Variants in RGPD2 observed in about 807,000 individuals in gnomAD.
The protein encoded by RGPD2 is RANBP2 like and GRIP domain containing 2, also known as RANBP2-like and GRIP domain-containing protein 2.
RGPD2 carries 2 observed loss-of-function variants against 36.0 expected under a neutral mutation model. That is an observed-to-expected ratio of 0.06 (90% CI 0.02 to 0.17). RGPD2 has a LOEUF of 0.17. RGPD2 is among the 10% of genes least tolerant of loss of function. The pLI is 1.00. For synonymous variants in RGPD2, 19 were observed against 163.8 expected (o/e 0.12, Z 6.75); for missense variants, 40 against 464.3 (o/e 0.09, Z 8.40).
chr2:87,919,426 C>T, the RGPD2 span, among the ~76,000 whole-genome samples: 1 of 151,970 alleles, frequency 6.6e-6, no homozygotes, highest in South Asian at 2.1e-4. Flanking sequence ...CTGACTGGCC[C>T]TGAAGAGGAC....
At chr2:87,935,206 G>A in the RGPD2 span, among the ~76,000 whole-genome samples, 8 of 143,996 alleles carry the variant, frequency 5.6e-5, no homozygotes, top group African/African-American at 2.1e-4. Flanking sequence ...TGGTAAGGGA[G>A]GGATTGAATA....
intron 6 of RGPD2, among the ~76,000 whole-genome samples, chr2:87,809,316 A>T (rs1444916929): frequency 6.6e-6 from 1 of 151,142 alleles, no homozygotes; most frequent in African/African-American, 2.4e-5. Flanking sequence ...AAAAAAAAAA[A>T]GATCGAGACC....
chr2:87,756,472 C>G lies in RGPD2; in HGVS notation c.*920G>C. 1 of 277,100 alleles carries G rather than the reference C, an allele frequency of 3.6e-6. No individual in the cohort carries two copies. Among genetic ancestry groups the G allele is most frequent in the Non-Finnish European group, 7.1e-6 (1 of 141,694 alleles). The allele number at this position is 277,100 out of a possible 1,614,324, so 17.2% of individuals were successfully genotyped here. On this transcript the variant is annotated 3_prime_UTR_variant, in exon 23 of 23. Coordinates refer to ENST00000398146, the MANE Select transcript of RGPD2 (RefSeq NM_001078170.3). ...TCCATGTATCATCATTAAGTGATCT[C>G]ATTTTATATTGTTTACTTGAATATT... is the stretch of plus-strand genomic sequence containing the variant.
chr2:87,964,412 C>T, the RGPD2 span, among the ~76,000 whole-genome samples: 2 of 151,880 alleles, frequency 1.3e-5, no homozygotes, highest in Non-Finnish European at 2.9e-5. Context: ...CTAGGTACAA[C>T]ATGATGTTTT....
At chr2:87,844,863 T>G in the RGPD2 span, among the ~76,000 whole-genome samples, 54 of 133,626 alleles carry the variant, frequency 4.0e-4, no homozygotes, top group African/African-American at 1.4e-3. Flanking sequence ...TAGTTTATAA[T>G]CATCCAGTTT....
the RGPD2 span, among the ~76,000 whole-genome samples, chr2:87,859,684 GAT>G: frequency 6.6e-6 from 1 of 152,170 alleles, no homozygotes; most frequent in African/African-American, 2.4e-5. Context: ...ATTTCGCTGA[GAT>G]CACCACTGAC....
At chr2:87,939,527 C>G in the RGPD2 span, among the ~76,000 whole-genome samples, 1 of 151,858 alleles carries the variant, frequency 6.6e-6, no homozygotes, top group Non-Finnish European at 1.5e-5. Context: ...ACTACTGTAG[C>G]CTTGGGATTG....
the RGPD2 span, among the ~76,000 whole-genome samples, chr2:87,884,217 T>C: frequency 6.6e-6 from 1 of 151,878 alleles, no homozygotes; most frequent in Non-Finnish European, 1.5e-5. Flanking sequence ...AAGAATAAAC[T>C]AAACAGGAAA....
the RGPD2 span, among the ~76,000 whole-genome samples, chr2:87,857,706 A>G: frequency 1.3e-5 from 2 of 151,502 alleles, no homozygotes; most frequent in South Asian, 4.2e-4. Flanking sequence ...TGGGAGGCCA[A>G]GGTGGGCTGA....
At chr2:87,964,124 C>G in the RGPD2 span, among the ~76,000 whole-genome samples, 1 of 152,134 alleles carries the variant, frequency 6.6e-6, no homozygotes, top group Non-Finnish European at 1.5e-5. Context: ...CGGCATCCAC[C>G]GCGCCCAGCA....
intron 22 of RGPD2, among the ~76,000 whole-genome samples, chr2:87,769,426 T>G (rs1278420612): frequency 2.6e-5 from 4 of 151,376 alleles, no homozygotes; most frequent in African/African-American, 9.7e-5. Flanking sequence ...TGTGTTTTCC[T>G]GTCTGTTTAC....
chr2:87,947,195 T>TC, the RGPD2 span, among the ~76,000 whole-genome samples: 1 of 151,926 alleles, frequency 6.6e-6, no homozygotes, highest in African/African-American at 2.4e-5. Flanking sequence ...AGAGGTGCAC[T>TC]CAGCTCCATA....
chr2:87,830,426 A>C (rs2104397225), upstream of RGPD2, among the ~76,000 whole-genome samples: 1 of 152,268 alleles, frequency 6.6e-6, no homozygotes, highest in East Asian at 1.9e-4. Context: ...GGTCAAAGCC[A>C]TCCAACAAGT....
At chr2:87,885,479 T>C in the RGPD2 span, among the ~76,000 whole-genome samples, 1 of 151,848 alleles carries the variant, frequency 6.6e-6, no homozygotes, top group Non-Finnish European at 1.5e-5. Flanking sequence ...CTGTTAAATA[T>C]AGTACTGGAA....
chr2:87,966,108 G>T, the RGPD2 span, among the ~76,000 whole-genome samples: 4 of 149,084 alleles, frequency 2.7e-5, no homozygotes, highest in Middle Eastern at 7.0e-3. Flanking sequence ...CTGACCTCCT[G>T]GTCAGAATAA....
chr2:87,781,569 A>G (rs1913772), intron 20 of RGPD2, among the ~76,000 whole-genome samples: 1 of 148,828 alleles, frequency 6.7e-6, no homozygotes, highest in Non-Finnish European at 1.5e-5. Flanking sequence ...CAAGCGATCC[A>G]CCTGCCTCAA....
intron 22 of RGPD2, among the ~76,000 whole-genome samples, chr2:87,760,791 G>A (rs896548474): frequency 1.1e-5 from 1 of 91,234 alleles, no homozygotes; most frequent in African/African-American, 4.1e-5. Flanking sequence ...CTAATTTTTT[G>A]TATTTTTAGT....
At chr2:87,879,317 G>C in the RGPD2 span, among the ~76,000 whole-genome samples, 1 of 151,616 alleles carries the variant, frequency 6.6e-6, no homozygotes, top group East Asian at 1.9e-4. Flanking sequence ...ATACTCTTTT[G>C]ATTTTAAAAT....
At chr2:87,802,687 AAT>A (rs1685872658) in intron 7 of RGPD2, among the ~76,000 whole-genome samples, 1 of 86,590 alleles carries the variant, frequency 1.2e-5, no homozygotes, top group Admixed American at 1.2e-4. Context: ...CATTTTTCAA[AAT>A]ATATGATTTA....
Sources: allele counts gnomAD v4.1 joint callset (sites outside exome capture counted in the v4.1 genomes callset), GRCh38; gene constraint gnomAD v4.1.1; transcripts MANE v1.5; gene names NCBI Gene and HGNC (gene_info 2026-07-23, HGNC 2026-07-21).